SYNE2: variants seen among roughly 807,000 people sequenced by gnomAD.
The protein encoded by SYNE2 is nesprin-2.
In SYNE2, 431 loss-of-function variants were observed where a neutral mutation model predicts 856.3. The observed-to-expected ratio is 0.50, with a 90% CI of 0.47 to 0.55. SYNE2 has a LOEUF of 0.55. SYNE2 is among the 20% of genes least tolerant of loss of function. SYNE2 has a pLI of 0.00. For missense variants in SYNE2, 8,129 were observed against 8,023.2 expected (o/e 1.01, Z -0.50); for synonymous variants, 2,923 against 2,872.3 (o/e 1.02, Z -0.56).
chr14:64,130,738 A>G (rs1287822440), intron 76 of SYNE2, among the ~76,000 whole-genome samples: 1 of 152,090 alleles, frequency 6.6e-6, no homozygotes, highest in Non-Finnish European at 1.5e-5. Context: ...TACAAAAATT[A>G]GCTGGGTATG....
At chr14:64,165,933 A>G (rs1483604197) in intron 90 of SYNE2, among the ~76,000 whole-genome samples, 1 of 152,210 alleles carries the variant, frequency 6.6e-6, no homozygotes, top group Non-Finnish European at 1.5e-5. Flanking sequence ...AGTAATTTGT[A>G]GTAGATGTTT....
chr14:63,838,837 A>G (rs961280234), intron 1 of SYNE2, among the ~76,000 whole-genome samples: 1 of 151,782 alleles, frequency 6.6e-6, no homozygotes, highest in African/African-American at 2.4e-5. Context: ...CAAATGCTCT[A>G]GCTATACATA....
chr14:64,027,150 G>A (rs1163617162), intron 42 of SYNE2, among the ~76,000 whole-genome samples: 2 of 151,984 alleles, frequency 1.3e-5, no homozygotes, highest in African/African-American at 2.4e-5. Context: ...GTTAATATAC[G>A]GAATGTTTGT....
intron 99 of SYNE2, chr14:64,196,971 T>C (rs965660968): frequency 6.6e-6 from 1 of 152,302 alleles, no homozygotes; most frequent in Admixed American, 6.5e-5. Flanking sequence ...CGTCCGCCTC[T>C]GTGCAAGATG....
intron 88 of SYNE2, among the ~76,000 whole-genome samples, 164 bp from the exon 89 acceptor site, chr14:64,163,238 C>G (rs1336264045): frequency 6.6e-6 from 1 of 152,180 alleles, no homozygotes; most frequent in Non-Finnish European, 1.5e-5. Context: ...TACATCATTT[C>G]AAGAAAGCCC....
intron 65 of SYNE2, 71 bp from the exon 66 acceptor site, chr14:64,113,270 G>C: frequency 6.2e-7 from 1 of 1,609,856 alleles, no homozygotes; most frequent in Non-Finnish European, 8.5e-7. Context: ...AAATGTTGCA[G>C]GTTCCCAGGT....
In SYNE2 at chr14:64,046,342, T is replaced by A. The variant is rs1595114712; in HGVS notation, c.7222-1658T>A. 3.9e-5 allele frequency among the ~76,000 whole-genome samples: 6 copies of A among 152,316 alleles called. No homozygotes were observed. In the South Asian group the frequency reaches 1.2e-3, roughly 32 times the overall value. On this transcript the variant is annotated intron_variant, in intron 45 of 115. Coordinates refer to ENST00000555002, the MANE Select transcript of SYNE2 (RefSeq NM_182914.3). The stretch of plus-strand genomic sequence containing the variant: ...ACTACTGATTGGCTTAAGACATAAT[T>A]TATCCTTTCTTTGTTTTTGAAATCA...
chr14:64,202,934 G>C lies in SYNE2; in HGVS notation c.18172G>C (p.Glu6058Gln), dbSNP rs751813329. Residue 6058 changes from glutamate (E) to glutamine (Q), a missense_variant, in exon 100 of 116, where the codon GAG becomes CAG. Physicochemically the swap from Glu to Gln is conservative, Grantham distance 29. Around this residue, in one of 3 missense-constraint regions of SYNE2, gnomAD observed 5,410 missense variants for 5,284.8 expected, o/e 1.02. Coordinates refer to ENST00000555002, the MANE Select transcript of SYNE2 (RefSeq NM_182914.3). Reference protein sequence around the residue: ...PVVYDVCDDQEIQKRLAEQQD... With the variant: ...PVVYDVCDDQQIQKRLAEQQD... The stretch of plus-strand genomic sequence containing the variant: ...TGTTTATGATGTCTGCGATGATCAA[G>C]AGATCCAGAAGAGGCTCGCTGAGCA... 1.2e-5 allele frequency: 20 copies of C among 1,614,084 alleles called. No individual in the cohort carries two copies. In the Middle Eastern group the frequency reaches 4.9e-4, roughly 40 times the overall value.
At chr14:63,804,739 C>G (rs951429336) in intron 1 of SYNE2, among the ~76,000 whole-genome samples, 4 of 152,148 alleles carry the variant, frequency 2.6e-5, no homozygotes, top group Admixed American at 2.6e-4. Context: ...GGTGATCCGC[C>G]CGCCTTGGCC....
At chr14:64,016,709 T>A in intron 33 of SYNE2, 78 bp downstream of exon 33, 1 of 987,808 alleles carries the variant, frequency 1.0e-6, no homozygotes, top group Non-Finnish European at 1.5e-6. Context: ...TTTATTTAAT[T>A]CAAGATTCAA....
chr14:64,191,487 C>G (rs757197040), intron 99 of SYNE2, among the ~76,000 whole-genome samples: 2 of 152,094 alleles, frequency 1.3e-5, no homozygotes, highest in East Asian at 1.9e-4. Flanking sequence ...GAGAGAGAGA[C>G]ACATACATTG....
intron 2 of SYNE2, among the ~76,000 whole-genome samples, chr14:63,936,123 T>C (rs2095829401): frequency 1.3e-5 from 2 of 152,230 alleles, no homozygotes; most frequent in Admixed American, 6.5e-5. Context: ...TCCGCCCACC[T>C]TGGCCTCCCA....
intron 49 of SYNE2, among the ~76,000 whole-genome samples, chr14:64,062,500 T>A (rs1178734334): frequency 6.8e-6 from 1 of 147,746 alleles, no homozygotes; most frequent in Non-Finnish European, 1.5e-5. Context: ...AAGTGAACTT[T>A]AAAAAAAAAA....
At chr14:63,949,680 A>G in intron 6 of SYNE2, 145 bp from the exon 7 acceptor site, 1 of 840,746 alleles carries the variant, frequency 1.2e-6, no homozygotes, top group Non-Finnish European at 2.0e-6. Context: ...GCTGTTATTC[A>G]AGGATTTGCC....
At chr14:64,174,106 C>T (rs1285454712) in intron 94 of SYNE2, 4 of 485,220 alleles carry the variant, frequency 8.2e-6, no homozygotes, top group South Asian at 6.2e-5. Context: ...AAGCGTCACT[C>T]TGTCACCCAG....
At chr14:63,778,775 A>G (rs2139729031) in intron 1 of SYNE2, among the ~76,000 whole-genome samples, 1 of 152,194 alleles carries the variant, frequency 6.6e-6, no homozygotes, top group African/African-American at 2.4e-5. Flanking sequence ...CTGGCCTCCC[A>G]AAGTGCCAAA....
chr14:64,126,096 G>T (rs2097942188), intron 71 of SYNE2, among the ~76,000 whole-genome samples: 1 of 152,126 alleles, frequency 6.6e-6, no homozygotes, highest in Non-Finnish European at 1.5e-5. Flanking sequence ...TTAGTTCCAT[G>T]CAGTACTCAA....
intron 7 of SYNE2, 58 bp from the exon 8 acceptor site, chr14:63,954,661 A>AG (rs1162183781): frequency 4.1e-6 from 6 of 1,454,372 alleles, no homozygotes; most frequent in South Asian, 1.2e-5. Context: ...AATATAGTGG[A>AG]GGGGGGTGTT....
chr14:64,206,258 G>C (rs1222952025), intron 100 of SYNE2, among the ~76,000 whole-genome samples: 1 of 152,208 alleles, frequency 6.6e-6, no homozygotes, highest in Admixed American at 6.5e-5. Context: ...TGTTAGAACT[G>C]TTGGCAAAAG....
Sources: allele counts gnomAD v4.1 joint callset (sites outside exome capture counted in the v4.1 genomes callset), GRCh38; gene constraint gnomAD v4.1.1; regional missense constraint gnomAD v4.1.1; transcripts MANE v1.5; gene names NCBI Gene and HGNC (gene_info 2026-07-23, HGNC 2026-07-21).